NTRK2: variants seen among roughly 807,000 people sequenced by gnomAD.
The protein encoded by NTRK2 is BDNF/NT-3 growth factors receptor.
A neutral mutation model predicts 94.5 loss-of-function variants in NTRK2; 13 were observed. That is an observed-to-expected ratio of 0.14 (90% confidence interval 0.09 to 0.22). The LOEUF (loss-of-function observed/expected upper bound fraction) is 0.22, where lower values mean the gene tolerates loss of function less well. NTRK2 is among the 10% of genes least tolerant of loss of function. The pLI is 1.00. For synonymous variants in NTRK2, 372 were observed against 407.4 expected (o/e 0.91, Z 1.05); for missense variants, 639 against 1,071.2 (o/e 0.60, Z 5.63).
intron 12 of NTRK2, among the ~76,000 whole-genome samples, chr9:84,840,637 C>T (rs2074126360): frequency 1.3e-5 from 2 of 152,072 alleles, no homozygotes; most frequent in Admixed American, 1.3e-4. Flanking sequence ...AGCTCATATT[C>T]CTCTATTCCT....
chr9:84,693,614 C>A (rs2060189948), intron 2 of NTRK2, among the ~76,000 whole-genome samples: 1 of 152,130 alleles, frequency 6.6e-6, no homozygotes, highest in Admixed American at 6.5e-5. Flanking sequence ...CCAAGCCAGG[C>A]CTTGAAACTG....
At chr9:84,779,254 G>T (rs757563645) in intron 12 of NTRK2, among the ~76,000 whole-genome samples, 17 of 152,110 alleles carry the variant, frequency 1.1e-4, no homozygotes, top group Admixed American at 6.5e-4. Flanking sequence ...TTGATTTAGA[G>T]CTTCCATTAC....
intron 14 of NTRK2, among the ~76,000 whole-genome samples, chr9:84,908,251 C>T (rs1332488070): frequency 1.3e-5 from 2 of 152,184 alleles, no homozygotes; most frequent in East Asian, 3.9e-4. Context: ...ACAAATGACT[C>T]AATGAGCAAG....
intron 14 of NTRK2, among the ~76,000 whole-genome samples, chr9:84,869,158 A>G (rs537315973): frequency 1.3e-5 from 2 of 152,318 alleles, no homozygotes; most frequent in African/African-American, 4.8e-5. Context: ...GAAAGATTTC[A>G]AAGGTTATTT....
chr9:84,754,489 C>G (rs963723747), intron 12 of NTRK2, among the ~76,000 whole-genome samples: 1 of 152,026 alleles, frequency 6.6e-6, no homozygotes, highest in Non-Finnish European at 1.5e-5. Context: ...CTGCTTAAAA[C>G]GTGGTATTTA....
chr9:84,846,085 A>T (rs1258286009), intron 12 of NTRK2, among the ~76,000 whole-genome samples: 1 of 152,184 alleles, frequency 6.6e-6, no homozygotes, highest in Non-Finnish European at 1.5e-5. Flanking sequence ...CTCATTTCAT[A>T]CAAGCCTCCA....
intron 6 of NTRK2, among the ~76,000 whole-genome samples, chr9:84,720,017 C>CAA (rs57132074): frequency 0.045 from 3,942 of 87,588 alleles, 104 homozygotes; most frequent in African/African-American, 0.076. Context: ...AAGACTATCT[C>CAA]AAAAAAAAAA....
chr9:84,898,380 A>G (rs1000380299), intron 14 of NTRK2, among the ~76,000 whole-genome samples: 22 of 152,194 alleles, frequency 1.4e-4, no homozygotes, highest in African/African-American at 4.8e-4. Context: ...TTGTGTTTGA[A>G]CAAGCAGACC....
In NTRK2 at chr9:85,021,664, CT is replaced by C. The variant is rs1832786892; in HGVS notation, c.*229del. On this transcript the variant is annotated 3_prime_UTR_variant, in exon 19 of 19. Transcript: ENST00000277120. The stretch of plus-strand genomic sequence containing the variant: ...TATCTCTTTCTCTCTTTCCATCTCC[CT>C]TGGTTGTTCCTTTTTCTTTTTTTAA... 1.7e-6 allele frequency: 1 copy of C among 574,932 alleles called. No individual in the cohort carries two copies. The highest frequency in any genetic ancestry group is 2.9e-5 in the East Asian group (1 of 34,564). 35.6% of individuals were successfully genotyped at this position (574,932 alleles called of 1,614,324 possible). A position where few individuals can be genotyped will look rare whatever the true frequency, so the allele number is the denominator to read the frequency against.
At chr9:84,981,589 A>G (rs1827626005) in intron 17 of NTRK2, among the ~76,000 whole-genome samples, 1 of 152,326 alleles carries the variant, frequency 6.6e-6, no homozygotes, top group East Asian at 1.9e-4. Flanking sequence ...TTCAAACTTT[A>G]TAATAACTGA....
intron 14 of NTRK2, among the ~76,000 whole-genome samples, chr9:84,869,176 CT>C (rs2075729782): frequency 6.6e-6 from 1 of 152,156 alleles, no homozygotes; most frequent in African/African-American, 2.4e-5. Flanking sequence ...TTTCCTTAAT[CT>C]GGAGTCTGTG....
At chr9:84,836,020 C>G (rs1196759754) in intron 12 of NTRK2, among the ~76,000 whole-genome samples, 1 of 151,984 alleles carries the variant, frequency 6.6e-6, no homozygotes. Context: ...GATCCCATCA[C>G]ATTGTGGGGC....
chr9:84,959,726 G>GT (rs1824666882), intron 17 of NTRK2, among the ~76,000 whole-genome samples: 1 of 152,120 alleles, frequency 6.6e-6, no homozygotes, highest in African/African-American at 2.4e-5. Flanking sequence ...CCAGTCTTTT[G>GT]TTTTTTTGTT....
At chr9:84,958,305 A>G (rs2133016693) in intron 17 of NTRK2, among the ~76,000 whole-genome samples, 1 of 152,356 alleles carries the variant, frequency 6.6e-6, no homozygotes, top group East Asian at 1.9e-4. Context: ...TAATAGCAAA[A>G]CAGTGACCAT....
chr9:84,872,043 C>T, intron 14 of NTRK2: 1 of 1,423,796 alleles, frequency 7.0e-7, no homozygotes, highest in Non-Finnish European at 9.2e-7. Flanking sequence ...GCCACTTTAA[C>T]TATAGACCCA....
At chr9:84,791,481 TA>T (rs958414704) in intron 12 of NTRK2, among the ~76,000 whole-genome samples, 68 of 152,140 alleles carry the variant, frequency 4.5e-4, no homozygotes, top group African/African-American at 1.5e-3. Context: ...AGGGCCATTT[TA>T]AAAAGTTCAT....
intron 2 of NTRK2, among the ~76,000 whole-genome samples, chr9:84,691,946 C>G (rs575283016): frequency 6.6e-6 from 1 of 152,270 alleles, no homozygotes; most frequent in East Asian, 1.9e-4. Flanking sequence ...AATGAGCTGA[C>G]TTGTGTTTCT....
intron 14 of NTRK2, among the ~76,000 whole-genome samples, chr9:84,901,920 G>A (rs2076941531): frequency 6.6e-6 from 1 of 152,118 alleles, no homozygotes; most frequent in African/African-American, 2.4e-5. Flanking sequence ...CATCAGGCTG[G>A]GCACGGTGGC....
chr9:84,840,654 T>C (rs1226617071), intron 12 of NTRK2, among the ~76,000 whole-genome samples: 1 of 152,104 alleles, frequency 6.6e-6, no homozygotes, highest in East Asian at 1.9e-4. Context: ...TCCTCATGTC[T>C]GAAAAAACAC....
Sources: allele counts gnomAD v4.1 joint callset (sites outside exome capture counted in the v4.1 genomes callset), GRCh38; gene constraint gnomAD v4.1.1; transcripts MANE v1.5; gene names NCBI Gene and HGNC (gene_info 2026-07-23, HGNC 2026-07-21).